The following FBXW2 variants were observed in gnomAD, a reference collection of about 807,000 sequenced individuals.
FBXW2 encodes F-box and WD repeat domain containing 2, also known as F-box/WD repeat-containing protein 2.
Under a neutral mutation model 46.0 loss-of-function variants are expected in FBXW2, and 12 were observed. That is an observed-to-expected ratio of 0.26 (90% CI 0.17 to 0.42). The LOEUF is 0.42. FBXW2 is among the 10% of genes least tolerant of loss of function. The pLI is 1.00. For missense variants in FBXW2, 360 were observed against 537.0 expected, an observed-to-expected ratio of 0.67 and a Z score of 3.26; for synonymous variants, 203 against 209.6, an observed-to-expected ratio of 0.97 and a Z score of 0.27.
intron 2 of FBXW2, among the ~76,000 whole-genome samples, chr9:120,791,100 A>G (rs2044830671): frequency 6.6e-6 from 1 of 152,152 alleles, no homozygotes; most frequent in African/African-American, 2.4e-5. Flanking sequence ...AAAAAACACC[A>G]ATTTTTACTT....
intron 3 of FBXW2, among the ~76,000 whole-genome samples, chr9:120,783,074 T>G (rs1360203900): frequency 6.6e-6 from 1 of 152,084 alleles, no homozygotes; most frequent in Non-Finnish European, 1.5e-5. Context: ...AAATGGTAAA[T>G]TTTATGTTAT....
chr9:120,773,843 C>A (rs2044431698), intron 5 of FBXW2, among the ~76,000 whole-genome samples: 1 of 152,236 alleles, frequency 6.6e-6, no homozygotes, highest in South Asian at 2.1e-4. Flanking sequence ...TAGCCCCAAT[C>A]AACTATTTTC....
chr9:120,789,737 T>C (rs1011461650), intron 2 of FBXW2, among the ~76,000 whole-genome samples: 1 of 152,228 alleles, frequency 6.6e-6, no homozygotes, highest in Non-Finnish European at 1.5e-5. Context: ...CTTTCAACTT[T>C]GATAATGTAA....
intron 7 of FBXW2, among the ~76,000 whole-genome samples, chr9:120,765,882 C>T (rs1390009599): frequency 6.6e-6 from 1 of 151,940 alleles, no homozygotes; most frequent in African/African-American, 2.4e-5. Flanking sequence ...AGGCAGTTTC[C>T]AAGACATCAA....
At chr9:120,769,441 A>G (rs918586922) in intron 7 of FBXW2, among the ~76,000 whole-genome samples, 6 of 152,356 alleles carry the variant, frequency 3.9e-5, no homozygotes, top group African/African-American at 1.4e-4. Flanking sequence ...GAGTCTCTAT[A>G]TGCCACTCTG....
intron 4 of FBXW2, among the ~76,000 whole-genome samples, chr9:120,777,012 G>A (rs2044511264): frequency 6.6e-6 from 1 of 152,124 alleles, no homozygotes; most frequent in Non-Finnish European, 1.5e-5. Context: ...GGCGATATTG[G>A]AGATGGGCCC....
chr9:120,768,144 C>G (rs1179998385), intron 7 of FBXW2, among the ~76,000 whole-genome samples: 2 of 152,202 alleles, frequency 1.3e-5, no homozygotes, highest in African/African-American at 4.8e-5. Flanking sequence ...TTCGAACGGA[C>G]TAGTGTCTCA....
intron 7 of FBXW2, among the ~76,000 whole-genome samples, chr9:120,769,731 A>G (rs1028842040): frequency 6.6e-6 from 1 of 152,178 alleles, no homozygotes; most frequent in African/African-American, 2.4e-5. Context: ...GTATATACCT[A>G]TTGGATAATC....
rs747712809 is a variant in FBXW2 at position 120,788,259 on chromosome 9, A to T, written c.-1T>A. 1 of 1,612,042 alleles carries T rather than the reference A, an allele frequency of 6.2e-7. No homozygotes were observed. Among genetic ancestry groups the T allele is most frequent in the Non-Finnish European group, 8.5e-7 (1 of 1,179,758 alleles). ...ATGTCTCAAAGTCCTTTCTCTCCAT[A>T]AGGTTATGGAAAAATTTACCTGTGG... On this transcript the variant is annotated 5_prime_UTR_variant, in exon 3 of 8. Coordinates refer to ENST00000608872, the MANE Select transcript of FBXW2 (RefSeq NM_012164.4).
intron 3 of FBXW2, among the ~76,000 whole-genome samples, chr9:120,781,794 G>T (rs138752468): frequency 6.6e-6 from 1 of 151,024 alleles, no homozygotes; most frequent in African/African-American, 2.4e-5. Context: ...AGGCCGAGGC[G>T]GGAGGATCAC....
chr9:120,788,010 G>A lies in FBXW2; in HGVS notation c.249C>T (p.Val83=). 1 of 1,614,178 alleles carries A rather than the reference G, an allele frequency of 6.2e-7. No individual in the cohort carries two copies. Among genetic ancestry groups the A allele is most frequent in the Non-Finnish European group, 8.5e-7 (1 of 1,180,040 alleles). The change falls in exon 3 of 8, where the codon GTC becomes GTT. Residue 83 remains valine, a synonymous_variant. Transcript: ENST00000608872. ...DPQTLLTCCL[V]SKQWNKVISA... ...TTATCACCTTATTCCACTGTTTAGA[G>A]ACGAGGCAGCATGTGAGTAAAGTCT...
Position 120,764,382 on chromosome 9 carries a change from C to T in FBXW2, c.*177G>A, listed in dbSNP as rs977418919. 3.1e-6 allele frequency: 2 copies of T among 636,410 alleles called. No homozygotes were observed. The highest frequency in any genetic ancestry group is 5.4e-6 in the Non-Finnish European group (2 of 370,970). The allele number at this position is 636,410 out of a possible 1,614,324, so 39.4% of individuals were successfully genotyped here. A position where few individuals can be genotyped will look rare whatever the true frequency, so the allele number is the denominator to read the frequency against. ...CATGCTGCGTTGTATGTCAATAAAACAAGCCCTCCCCCACCCCGAGCCCTG... is the reference window on the plus strand; with the variant it reads ...CATGCTGCGTTGTATGTCAATAAAATAAGCCCTCCCCCACCCCGAGCCCTG... On this transcript the variant is annotated 3_prime_UTR_variant, in exon 8 of 8. Coordinates refer to ENST00000608872, the MANE Select transcript of FBXW2 (RefSeq NM_012164.4).
rs540081587 is a variant in FBXW2 at position 120,778,759 on chromosome 9, T to C, written c.491-214A>G. The stretch of plus-strand genomic sequence containing the variant: ...AGCACTAGGACAGAATCCAAGCTTT[T>C]TGGGTGAGACACTTTCCCTTAACTT... On this transcript the variant is annotated intron_variant, in intron 3 of 7. Transcript: ENST00000608872. 2.6e-5 allele frequency among the ~76,000 whole-genome samples: 4 copies of C among 152,288 alleles called. No individual in the cohort carries two copies. The South Asian group carries it at 8.3e-4, about 32-fold the overall frequency.
intron 5 of FBXW2, among the ~76,000 whole-genome samples, chr9:120,773,201 A>C (rs1014930142): frequency 1.3e-5 from 2 of 152,170 alleles, no homozygotes; most frequent in Non-Finnish European, 2.9e-5. Flanking sequence ...AAAAAAAAAA[A>C]AACAGTCTAA....
intron 3 of FBXW2, among the ~76,000 whole-genome samples, chr9:120,780,318 G>A (rs1390569830): frequency 2.0e-5 from 3 of 147,436 alleles, no homozygotes. Flanking sequence ...TCACACCACT[G>A]CACTCCAGCC....
chr9:120,757,930 A>G lies in FBXW2; in HGVS notation c.*6629T>C, dbSNP rs1564442808. On this transcript the variant is annotated 3_prime_UTR_variant, in exon 8 of 8. Coordinates refer to ENST00000608872, the MANE Select transcript of FBXW2 (RefSeq NM_012164.4). ...ATCTTTCATTTGCTTCTGATCTTTT[A>G]TTTTCAATTTTAGATGCTCTGGAAG... 1 of 152,190 alleles carries G rather than the reference A, an allele frequency of 6.6e-6. No individual in the cohort carries two copies. Among genetic ancestry groups the G allele is most frequent in the African/African-American group, 2.4e-5 (1 of 41,446 alleles). 9.4% of individuals were successfully genotyped at this position (152,190 alleles called of 1,614,324 possible).
At position 120,793,338 on chromosome 9, in the gene FBXW2, C is replaced by A; in HGVS notation, c.-130+16G>T. 4.7e-6 allele frequency: 2 copies of A among 424,932 alleles called. No homozygotes were observed. Among genetic ancestry groups the A allele is most frequent in the South Asian group, 7.1e-5 (1 of 14,128 alleles). 26.3% of individuals were successfully genotyped at this position (424,932 alleles called of 1,614,324 possible). A position where few individuals can be genotyped will look rare whatever the true frequency, so the allele number is the denominator to read the frequency against. On this transcript the variant is annotated intron_variant, in intron 1 of 7. Coordinates refer to ENST00000608872, the MANE Select transcript of FBXW2 (RefSeq NM_012164.4). ...TAAGAGTCCCCTCCCCGACCGGCCC[C>A]GCCTCGCATACAGACCCGGACCTGC...
chr9:120,790,216 C>A, intron 2 of FBXW2, among the ~76,000 whole-genome samples: 1 of 152,208 alleles, frequency 6.6e-6, no homozygotes, highest in East Asian at 1.9e-4. Context: ...CAGTGGCTCA[C>A]GCCTGTAATC....
chr9:120,764,147 C>G lies in FBXW2; in HGVS notation c.*412G>C. The stretch of plus-strand genomic sequence containing the variant: ...CTGTAACAACATCATAGCACCTTTG[C>G]TTCAACTTCAAAAGAAAAAAAGGCT... On this transcript the variant is annotated 3_prime_UTR_variant, in exon 8 of 8. Transcript: ENST00000608872. 2.7e-6 allele frequency: 1 copy of G among 365,832 alleles called. No homozygotes were observed. Among genetic ancestry groups the G allele is most frequent in the Middle Eastern group, 7.1e-4 (1 of 1,404 alleles). The allele number at this position is 365,832 out of a possible 1,614,324, so 22.7% of individuals were successfully genotyped here.
Sources: gnomAD v4.1 joint callset for allele counts (sites outside exome capture counted in the v4.1 genomes callset) on GRCh38, gnomAD v4.1.1 for gene constraint, MANE v1.5 for transcripts, NCBI Gene and HGNC (gene_info 2026-07-23, HGNC 2026-07-21) for gene names.